Variants in KIF26B observed in about 807,000 individuals in gnomAD.
KIF26B encodes kinesin-like protein KIF26B.
KIF26B carries 63 observed loss-of-function variants against 151.2 expected under a neutral mutation model. That is an observed-to-expected ratio of 0.42 (90% CI 0.34 to 0.51). The LOEUF (loss-of-function observed/expected upper bound fraction) is 0.51. Ranked by LOEUF, KIF26B falls within the 20% of genes least tolerant of loss-of-function variation. KIF26B has a pLI of 0.07. For missense variants in KIF26B, 2,813 were observed against 2,913.6 expected, an observed-to-expected ratio of 0.97 and a Z score of 0.79; for synonymous variants, 1,357 against 1,262.1, an observed-to-expected ratio of 1.08 and a Z score of -1.59.
chr1:245,310,239 A>C (rs778351652), intron 2 of KIF26B, among the ~76,000 whole-genome samples: 1 of 151,954 alleles, frequency 6.6e-6, no homozygotes, highest in Non-Finnish European at 1.5e-5. Flanking sequence ...CAAACATTCC[A>C]TATGCCAAGA....
chr1:245,433,501 G>GAAA (rs202050061), intron 4 of KIF26B, among the ~76,000 whole-genome samples: 2 of 150,948 alleles, frequency 1.3e-5, no homozygotes, highest in Non-Finnish European at 3.0e-5. Context: ...AGAAGAAGAA[G>GAAA]TAAGAAGTTA....
intron 2 of KIF26B, among the ~76,000 whole-genome samples, chr1:245,307,852 T>A (rs185570797): frequency 1.3e-5 from 2 of 152,172 alleles, no homozygotes; most frequent in African/African-American, 4.8e-5. Flanking sequence ...GCAATTCTCC[T>A]GCCTCAGCCT....
In KIF26B at chr1:245,611,835, G is replaced by T; in HGVS notation, c.1957G>T (p.Ala653Ser). 2 of 1,613,856 alleles carry T rather than the reference G, an allele frequency of 1.2e-6. No homozygotes were observed. The highest frequency in any genetic ancestry group is 1.7e-6 in the Non-Finnish European group (2 of 1,179,876). ...SELRAPTAEK[A>S]AFFLDAAIAS... is the part of the protein sequence containing the mutation. The stretch of plus-strand genomic sequence containing the variant: ...GCTGCGGGCCCCCACCGCAGAGAAG[G>T]CTGCCTTTTTCCTGGATGCCGCCAT... The change falls in exon 9 of 15, where the codon GCT (alanine) becomes TCT (serine). Residue 653 changes from alanine (A) to serine (S), a missense_variant. Around this residue, in one of 3 missense-constraint regions of KIF26B, gnomAD observed 2,060 missense variants for 2,088.6 expected, o/e 0.99. Transcript: ENST00000407071.
chr1:245,601,636 C>G lies in KIF26B; in HGVS notation c.1351-941C>G, dbSNP rs150288556. Among the ~76,000 whole-genome samples the G allele has an allele frequency of 1.8e-3, 281 of 152,306 alleles. No homozygotes were observed. Among genetic ancestry groups the G allele is most frequent in the African/African-American group, 6.4e-3 (265 of 41,572 alleles). On this transcript the variant is annotated intron_variant, in intron 5 of 14. Coordinates refer to ENST00000407071, the MANE Select transcript of KIF26B (RefSeq NM_018012.4). The surrounding 1 kb of genome is among the most constrained non-coding windows in gnomAD (Gnocchi z 4.4). ...ATTACATATCTTTGCATCCCCCATG[C>G]CTAGCACAGTGCCCAGCACATAGTA...
At chr1:245,303,197 CTT>C (rs757473264) in intron 2 of KIF26B, among the ~76,000 whole-genome samples, 17 of 102,572 alleles carry the variant, frequency 1.7e-4, no homozygotes, top group South Asian at 6.7e-4. Flanking sequence ...ACTAAATGTT[CTT>C]TTTTTTTTTT....
At chr1:245,586,906 A>AC (rs1553292414) in intron 5 of KIF26B, among the ~76,000 whole-genome samples, 7 of 151,602 alleles carry the variant, frequency 4.6e-5, no homozygotes, top group African/African-American at 1.7e-4. Context: ...AAAAAAAAAA[A>AC]AAACATCAAA....
intron 5 of KIF26B, among the ~76,000 whole-genome samples, chr1:245,554,744 G>A (rs1435458227): frequency 1.3e-5 from 2 of 152,198 alleles, no homozygotes; most frequent in Admixed American, 6.5e-5. Context: ...ACAGCTGACG[G>A]TATAGCAGCC....
intron 2 of KIF26B, among the ~76,000 whole-genome samples, chr1:245,250,585 T>C (rs1181271897): frequency 6.6e-6 from 1 of 152,226 alleles, no homozygotes; most frequent in Non-Finnish European, 1.5e-5. Flanking sequence ...CCAAAATGGC[T>C]TCTCTGCAAA....
At chr1:245,473,727 A>G (rs1362748742) in intron 4 of KIF26B, among the ~76,000 whole-genome samples, 1 of 151,936 alleles carries the variant, frequency 6.6e-6, no homozygotes, top group Non-Finnish European at 1.5e-5. Context: ...TTATACAACC[A>G]ATTTTATCAC....
intron 2 of KIF26B, among the ~76,000 whole-genome samples, chr1:245,326,478 C>T (rs948701635): frequency 2.6e-5 from 4 of 152,208 alleles, no homozygotes; most frequent in Non-Finnish European, 2.9e-5. Flanking sequence ...CAAATGCCAA[C>T]GGCTGCCAAG....
chr1:245,672,262 C>G (rs1258879776), intron 10 of KIF26B, among the ~76,000 whole-genome samples: 1 of 152,164 alleles, frequency 6.6e-6, no homozygotes, highest in East Asian at 1.9e-4. Context: ...GACCACTGGT[C>G]AGGAGCAGGG....
rs1443574897 is a variant in KIF26B, at chr1:245,698,528, G to T, written c.6027+220G>T. ...TTTCTCTTCCTGAAATGTTTTAAGG[G>T]CTTCAAAGCCAGGGGTCGGGGGCTG... On this transcript the variant is annotated intron_variant, in intron 13 of 14. Transcript: ENST00000407071. The surrounding 1 kb of genome is among the most constrained non-coding windows in gnomAD (Gnocchi z 4.0). Among the ~76,000 whole-genome samples the T allele has an allele frequency of 1.3e-5, 2 of 152,192 alleles. No individual in the cohort carries two copies.
intron 2 of KIF26B, among the ~76,000 whole-genome samples, chr1:245,274,296 A>G (rs1670903829): frequency 6.6e-6 from 1 of 152,064 alleles, no homozygotes; most frequent in East Asian, 1.9e-4. Flanking sequence ...TCATAGGTAT[A>G]CACATGCCAT....
At chr1:245,268,902 C>T (rs1048884920) in intron 2 of KIF26B, among the ~76,000 whole-genome samples, 4 of 152,098 alleles carry the variant, frequency 2.6e-5, no homozygotes, top group Non-Finnish European at 4.4e-5. Context: ...TTGGTCCTAG[C>T]GGACAACTGC....
At chr1:245,376,448 C>T (rs551088250) in intron 3 of KIF26B, among the ~76,000 whole-genome samples, 2 of 152,202 alleles carry the variant, frequency 1.3e-5, no homozygotes, top group Admixed American at 6.5e-5. Context: ...AATGCCTAAG[C>T]CACACCCCAG....
At chr1:245,390,695 G>A (rs1343350989) in intron 3 of KIF26B, among the ~76,000 whole-genome samples, 4 of 151,868 alleles carry the variant, frequency 2.6e-5, no homozygotes, top group African/African-American at 4.8e-5. Flanking sequence ...TGGTTATTGA[G>A]AAGTAGGTAT....
chr1:245,661,253 G>A (rs1178256302), intron 10 of KIF26B, among the ~76,000 whole-genome samples: 1 of 152,076 alleles, frequency 6.6e-6, no homozygotes, highest in Non-Finnish European at 1.5e-5. Context: ...CTCCCAAAGT[G>A]CTGGAATTAC....
At chr1:245,396,669 A>G (rs528091558) in intron 3 of KIF26B, among the ~76,000 whole-genome samples, 11 of 151,980 alleles carry the variant, frequency 7.2e-5, no homozygotes, top group Non-Finnish European at 1.5e-4. Context: ...AAAAACAACA[A>G]CTATTTGACT....
chr1:245,500,004 G>A (rs949040238), intron 4 of KIF26B, among the ~76,000 whole-genome samples: 5 of 152,206 alleles, frequency 3.3e-5, no homozygotes, highest in African/African-American at 4.8e-5. Context: ...TGCGCACTTT[G>A]TTTTAGGCTG....
Sources: gnomAD v4.1 joint callset for allele counts (sites outside exome capture counted in the v4.1 genomes callset) on GRCh38, gnomAD v4.1.1 for gene constraint, gnomAD v4.1.1 regional missense constraint, Gnocchi (gnomAD v3.1) non-coding constraint, MANE v1.5 for transcripts, NCBI Gene and HGNC (gene_info 2026-07-23, HGNC 2026-07-21) for gene names.